ADGRB3: variants seen among roughly 807,000 people sequenced by gnomAD.
ADGRB3 encodes brain-specific angiogenesis inhibitor 3.
A neutral mutation model predicts 193.4 loss-of-function variants in ADGRB3; 37 were observed. The ratio of observed to expected loss-of-function variants is 0.19; its 90% CI spans 0.15 to 0.25. ADGRB3 has a LOEUF of 0.25. ADGRB3 is among the 10% of genes least tolerant of loss of function. The pLI is 1.00. For missense variants in ADGRB3, 1,637 were observed against 1,852.9 expected, an observed-to-expected ratio of 0.88 and a Z score of 2.14; for synonymous variants, 690 against 644.2, an observed-to-expected ratio of 1.07 and a Z score of -1.08.
At chr6:69,256,803 C>T (rs1193373286) in intron 20 of ADGRB3, among the ~76,000 whole-genome samples, 1 of 152,134 alleles carries the variant, frequency 6.6e-6, no homozygotes, top group East Asian at 1.9e-4. Flanking sequence ...GGAATGCTTC[C>T]AGTTTTTGCC....
chr6:69,127,177 C>T (rs993014967), intron 17 of ADGRB3, among the ~76,000 whole-genome samples: 1 of 152,190 alleles, frequency 6.6e-6, no homozygotes, highest in Non-Finnish European at 1.5e-5. Context: ...AGTTTCCTGA[C>T]TAAAATTTTC....
At chr6:68,990,010 C>T (rs1769187935) in intron 10 of ADGRB3, among the ~76,000 whole-genome samples, 1 of 151,730 alleles carries the variant, frequency 6.6e-6, no homozygotes, top group Non-Finnish European at 1.5e-5. Context: ...TAGAAATAAC[C>T]ATAGAATTAA....
At chr6:68,848,739 A>C (rs1768338919) in intron 3 of ADGRB3, among the ~76,000 whole-genome samples, 1 of 152,030 alleles carries the variant, frequency 6.6e-6, no homozygotes, top group African/African-American at 2.4e-5. Flanking sequence ...TAACGTAAGC[A>C]TTGTTTTTGT....
chr6:69,242,871 A>T (rs1268060264), intron 20 of ADGRB3, among the ~76,000 whole-genome samples: 1 of 151,926 alleles, frequency 6.6e-6, no homozygotes, highest in Non-Finnish European at 1.5e-5. Flanking sequence ...TTTGTAAAGC[A>T]TTTCCTTTAC....
rs563883397 is a variant in ADGRB3, at chr6:69,125,569, A to G, written c.2480+49531A>G. The stretch of plus-strand genomic sequence containing the variant: ...CCCTTCCACGTGGAAGCAGGCCTCC[A>G]CAAGACGCTGAATCTGCTGTCACCT... On this transcript the variant is annotated intron_variant, in intron 17 of 31. Transcript: ENST00000370598. Among the ~76,000 whole-genome samples the G allele has an allele frequency of 2.3e-3, 354 of 152,234 alleles. 2 individuals are homozygous for G. The highest frequency in any genetic ancestry group is 3.9e-3 in the Non-Finnish European group (264 of 68,014).
intron 17 of ADGRB3, among the ~76,000 whole-genome samples, chr6:69,196,879 C>A (rs900319294): frequency 2.0e-5 from 3 of 152,072 alleles, no homozygotes; most frequent in Non-Finnish European, 4.4e-5. Context: ...TATGATGTAG[C>A]AGAAGGAGCA....
At chr6:69,306,018 T>G (rs1388602486) in intron 20 of ADGRB3, among the ~76,000 whole-genome samples, 1 of 151,446 alleles carries the variant, frequency 6.6e-6, no homozygotes, top group East Asian at 1.9e-4. Context: ...TTAAAGTACA[T>G]GGAAGGATGT....
At chr6:69,221,094 G>T (rs1765883978) in intron 17 of ADGRB3, among the ~76,000 whole-genome samples, 1 of 152,016 alleles carries the variant, frequency 6.6e-6, no homozygotes, top group Non-Finnish European at 1.5e-5. Context: ...TAGCACAAAA[G>T]AGGGACTAAA....
intron 6 of ADGRB3, 85 bp downstream of exon 6, chr6:68,944,079 A>G (rs1243836759): frequency 1.1e-5 from 15 of 1,376,568 alleles, no homozygotes; most frequent in Non-Finnish European, 1.5e-5. Flanking sequence ...TAAGAGTACA[A>G]CCTTCATTCA....
intron 3 of ADGRB3, among the ~76,000 whole-genome samples, chr6:68,911,288 G>T (rs1396852626): frequency 8.2e-6 from 1 of 122,046 alleles, no homozygotes; most frequent in Non-Finnish European, 1.6e-5. Flanking sequence ...GAGGGGGGAG[G>T]GCTAGCATTA....
chr6:69,361,352 A>T lies in ADGRB3; in HGVS notation c.4079A>T (p.Asn1360Ile). ...AATCCCCCTGTAATGGACCAGTTCA[A>T]TATGAACTTAGAGCAACATCTCGCA... Reference protein sequence around the residue: ...NMNPPVMDQFNMNLEQHLAPQ... With the variant: ...NMNPPVMDQFIMNLEQHLAPQ... Residue 1360 changes from asparagine (N) to isoleucine (I), a missense_variant, in exon 29 of 32, where the codon AAT becomes ATT. Asn to Ile is a moderately radical substitution (Grantham distance 149). Transcript: ENST00000370598. 1 of 1,613,072 alleles carries T rather than the reference A, an allele frequency of 6.2e-7. No homozygotes were observed. Among genetic ancestry groups the T allele is most frequent in the Non-Finnish European group, 8.5e-7 (1 of 1,179,266 alleles).
chr6:69,332,359 G>A (rs568031322), intron 23 of ADGRB3: 1 of 985,378 alleles, frequency 1.0e-6, no homozygotes, highest in South Asian at 4.7e-5. Context: ...AAAGATTCTG[G>A]TGAATTGAAT....
At chr6:69,119,428 C>T (rs1044302048) in intron 17 of ADGRB3, among the ~76,000 whole-genome samples, 3 of 151,882 alleles carry the variant, frequency 2.0e-5, no homozygotes, top group Non-Finnish European at 4.4e-5. Flanking sequence ...TAATAAAAAC[C>T]ATAATAAATA....
intron 17 of ADGRB3, among the ~76,000 whole-genome samples, chr6:69,207,802 G>A (rs1765571285): frequency 6.6e-6 from 1 of 152,178 alleles, no homozygotes; most frequent in South Asian, 2.1e-4. Flanking sequence ...CATGAAGTGA[G>A]TTCCTTGGTC....
At chr6:68,775,145 T>TAA (rs746086066) in intron 3 of ADGRB3, among the ~76,000 whole-genome samples, 9 of 115,666 alleles carry the variant, frequency 7.8e-5, no homozygotes, top group South Asian at 2.9e-4. Flanking sequence ...AGCTGCTTGT[T>TAA]AAAAAAAAAA....
chr6:69,024,544 A>G (rs929233447), intron 13 of ADGRB3, among the ~76,000 whole-genome samples: 1 of 152,192 alleles, frequency 6.6e-6, no homozygotes, highest in South Asian at 2.1e-4. Flanking sequence ...GAATTATTTG[A>G]TGCTGAAAAT....
chr6:68,637,145 G>A (rs963284720), intron 1 of ADGRB3, among the ~76,000 whole-genome samples: 2 of 152,098 alleles, frequency 1.3e-5, no homozygotes, highest in African/African-American at 4.8e-5. Flanking sequence ...ATTTTAAACT[G>A]CTGCTATATA....
chr6:68,812,331 C>CTT (rs11431525), intron 3 of ADGRB3, among the ~76,000 whole-genome samples: 23,689 of 151,310 alleles, frequency 0.16, 3,044 homozygotes, highest in African/African-American at 0.36. Context: ...TTTAATATAT[C>CTT]TTTTTTTTTA....
At position 68,817,307 on chromosome 6, in the gene ADGRB3, GTATATATATATATATATA is replaced by G. The variant is rs60723627; in HGVS notation, c.758-113215_758-113198del. Among the ~76,000 whole-genome samples the G allele has an allele frequency of 6.1e-3, 271 of 44,154 alleles. 1 individual carries two copies. The highest frequency in any genetic ancestry group is 0.013 in the African/African-American group (241 of 18,410). The allele number at this position is 44,154 out of a possible 152,430, so 29.0% of individuals were successfully genotyped here. A position where few individuals can be genotyped will look rare whatever the true frequency, so the allele number is the denominator to read the frequency against. On this transcript the variant is annotated intron_variant, in intron 3 of 31. Transcript: ENST00000370598. ...GTATTTATTATTCCCTTTTGTCCAT[GTATATATATATATATATA>G]TATATATATATATATATATATATAT...
Sources: allele counts gnomAD v4.1 joint callset (sites outside exome capture counted in the v4.1 genomes callset), GRCh38; gene constraint gnomAD v4.1.1; transcripts MANE v1.5; gene names NCBI Gene and HGNC (gene_info 2026-07-23, HGNC 2026-07-21).